Variants in TRPA1 observed in about 807,000 individuals in gnomAD.
TRPA1 encodes the protein transient receptor potential cation channel subfamily A member 1.
A neutral mutation model predicts 131.3 loss-of-function variants in TRPA1; 129 were observed. The ratio of observed to expected loss-of-function variants is 0.98; its 90% CI spans 0.85 to 1.14. The LOEUF is 1.14. Ranked by LOEUF, TRPA1 falls within the 50% of genes most tolerant of loss-of-function variation. The pLI, the probability that TRPA1 is intolerant of heterozygous loss-of-function variation, is 0.00. For synonymous variants in TRPA1, 441 were observed against 451.7 expected (o/e 0.98, Z 0.30); for missense variants, 1,304 against 1,354.2 (o/e 0.96, Z 0.58).
chr8:72,037,951 G>A (rs1451264975), intron 20 of TRPA1, 32 bp downstream of exon 20: 11 of 1,289,826 alleles, frequency 8.5e-6, no homozygotes, highest in Admixed American at 6.8e-5. Flanking sequence ...GAAAATATGT[G>A]CAACTTTAGA....
intron 18 of TRPA1, 129 bp downstream of exon 18, chr8:72,039,598 T>C (rs1461694064): frequency 3.0e-6 from 2 of 670,138 alleles, no homozygotes; most frequent in Non-Finnish European, 5.2e-6. Flanking sequence ...TACTTATTTC[T>C]TCAAAGTAAA....
At chr8:72,026,181 T>A (rs1299254576) in intron 24 of TRPA1, 108 bp from the exon 25 acceptor site, 1 of 864,064 alleles carries the variant, frequency 1.2e-6, no homozygotes, top group Non-Finnish European at 1.9e-6. Flanking sequence ...GATTTCTATG[T>A]CCTGACTTCT....
intron 12 of TRPA1, chr8:72,054,620 C>T (rs1490432340): frequency 1.3e-5 from 2 of 152,366 alleles, no homozygotes; most frequent in Admixed American, 6.6e-5. Flanking sequence ...ACTGTCTGGC[C>T]TGGGTCTACT....
intron 3 of TRPA1, 146 bp from the exon 4 acceptor site, chr8:72,065,704 A>G: frequency 1.5e-6 from 1 of 671,548 alleles, no homozygotes; most frequent in Non-Finnish European, 2.7e-6. Context: ...CTGGCACAAA[A>G]TCTTGCACAT....
chr8:72,051,017 C>A (rs72659657), intron 14 of TRPA1, 146 bp from the exon 15 acceptor site: 8,189 of 646,268 alleles, frequency 0.013, 84 homozygotes, highest in Non-Finnish European at 0.017. Flanking sequence ...TCCAATGGAA[C>A]CAACATGTAA....
intron 1 of TRPA1, among the ~76,000 whole-genome samples, chr8:72,075,073 G>A (rs889744799): frequency 6.6e-6 from 1 of 152,158 alleles, no homozygotes; most frequent in African/African-American, 2.4e-5. Context: ...GACTGCAGTT[G>A]CCCGTCCAGG....
the TRPA1 span, among the ~76,000 whole-genome samples, chr8:72,087,518 CT>C: frequency 6.6e-5 from 10 of 152,092 alleles, no homozygotes; most frequent in South Asian, 6.2e-4. Context: ...TTCCTTGTAT[CT>C]TAAGCTTATC....
chr8:72,029,385 CA>C (rs1272226602), intron 24 of TRPA1, among the ~76,000 whole-genome samples: 3 of 152,162 alleles, frequency 2.0e-5, no homozygotes, highest in African/African-American at 2.4e-5. Flanking sequence ...TGTTCTCGGA[CA>C]TTTTTTTGTA....
At chr8:72,041,831 G>A (rs1812261887) in intron 17 of TRPA1, among the ~76,000 whole-genome samples, 1 of 151,514 alleles carries the variant, frequency 6.6e-6, no homozygotes, top group African/African-American at 2.4e-5. Context: ...CTAAACCTAA[G>A]ATTAGCAAAA....
chr8:72,036,506 T>A, intron 20 of TRPA1, 49 bp from the exon 21 acceptor site: 1 of 1,530,708 alleles, frequency 6.5e-7, no homozygotes, highest in Non-Finnish European at 9.0e-7. Flanking sequence ...ACCTAGCATC[T>A]ATGGATGGTT....
chr8:72,056,663 T>C (rs1051387691), intron 10 of TRPA1, among the ~76,000 whole-genome samples: 3 of 152,154 alleles, frequency 2.0e-5, no homozygotes, highest in African/African-American at 7.2e-5. Flanking sequence ...ATCTTTATCA[T>C]AGATGACTGC....
chr8:72,044,781 C>T (rs1436446479), intron 17 of TRPA1, among the ~76,000 whole-genome samples: 1 of 151,950 alleles, frequency 6.6e-6, no homozygotes, highest in Non-Finnish European at 1.5e-5. Flanking sequence ...GAGCCCCACT[C>T]AGCTCACTTA....
chr8:72,056,203 A>T (rs1805663697), intron 10 of TRPA1: 1 of 329,200 alleles, frequency 3.0e-6, no homozygotes, highest in African/African-American at 2.1e-5. Flanking sequence ...CCCACCCCCA[A>T]ATAACACCCA....
At chr8:72,069,657 G>A (rs1367453016) in intron 2 of TRPA1, among the ~76,000 whole-genome samples, 1 of 151,806 alleles carries the variant, frequency 6.6e-6, no homozygotes, top group Admixed American at 6.6e-5. Context: ...TAAAAGTCTT[G>A]CCAACATCAC....
chr8:72,053,884 A>G lies in TRPA1; in HGVS notation c.1530-17T>C, dbSNP rs1198690806. 3.1e-6 allele frequency: 5 copies of G among 1,595,958 alleles called. No individual in the cohort carries two copies. The highest frequency in any genetic ancestry group is 4.3e-6 in the Non-Finnish European group (5 of 1,167,408). Reference sequence around the variant, plus strand: ...TTGTGGTCACTGGTAAAGAGTTAAGAAAAGATGTGTGCATACACTTAACAG... The same window carrying G: ...TTGTGGTCACTGGTAAAGAGTTAAGGAAAGATGTGTGCATACACTTAACAG... On this transcript the variant is annotated splice_polypyrimidine_tract_variant and intron_variant, in intron 12 of 26. Coordinates refer to ENST00000262209, the MANE Select transcript of TRPA1 (RefSeq NM_007332.3).
At chr8:72,086,153 A>G in the TRPA1 span, among the ~76,000 whole-genome samples, 4 of 152,032 alleles carry the variant, frequency 2.6e-5, no homozygotes, top group African/African-American at 9.7e-5. Flanking sequence ...CACCCGCCTC[A>G]GCCTCCCAAA....
chr8:72,083,467 G>C, the TRPA1 span, among the ~76,000 whole-genome samples: 1 of 152,002 alleles, frequency 6.6e-6, no homozygotes, highest in African/African-American at 2.4e-5. Flanking sequence ...GGGCACAGTG[G>C]CTCACGCCTG....
chr8:72,079,148 A>T (rs75796444), upstream of TRPA1, among the ~76,000 whole-genome samples: 6,043 of 152,050 alleles, frequency 0.04, 384 homozygotes, highest in African/African-American at 0.13. Flanking sequence ...AACTCTTTAA[A>T]CAGATAAATA....
chr8:72,087,404 T>C, the TRPA1 span, among the ~76,000 whole-genome samples: 2 of 152,146 alleles, frequency 1.3e-5, no homozygotes, highest in East Asian at 1.9e-4. Flanking sequence ...GAAGGAGGAA[T>C]TGATGTTCAG....
Sources: allele counts gnomAD v4.1 joint callset (sites outside exome capture counted in the v4.1 genomes callset), GRCh38; gene constraint gnomAD v4.1.1; transcripts MANE v1.5; gene names NCBI Gene and HGNC (gene_info 2026-07-23, HGNC 2026-07-21).